The following NQO1 variants were observed in gnomAD, a reference collection of about 807,000 sequenced individuals.
NQO1 encodes NAD(P)H dehydrogenase [quinone] 1.
NQO1 carries 30 observed loss-of-function variants against 32.1 expected under a neutral mutation model. The ratio of observed to expected loss-of-function variants is 0.94; its 90% CI spans 0.70 to 1.27. The LOEUF (loss-of-function observed/expected upper bound fraction) is 1.27. Among genes scored for constraint, NQO1 ranks in the 50% most tolerant of loss-of-function variants. The pLI is 0.00. For missense variants in NQO1, 276 were observed against 331.3 expected, an observed-to-expected ratio of 0.83 and a Z score of 1.30; for synonymous variants, 109 against 119.7, an observed-to-expected ratio of 0.91 and a Z score of 0.59.
At position 69,709,998 on chromosome 16, in the gene NQO1, C is replaced by T. The variant is rs1241285746; in HGVS notation, c.*978G>A. ...TTCTTGAATTCATATTGCAGATGTA[C>T]GGTGTGGATTTATTGGTTTATCTCT... On this transcript the variant is annotated 3_prime_UTR_variant, in exon 6 of 6. Coordinates refer to ENST00000320623, the MANE Select transcript of NQO1 (RefSeq NM_000903.3). 7.8e-6 allele frequency: 3 copies of T among 384,572 alleles called. No individual in the cohort carries two copies. The highest frequency in any genetic ancestry group is 1.4e-5 in the Non-Finnish European group (3 of 217,876). The allele number at this position is 384,572 out of a possible 1,614,324, so 23.8% of individuals were successfully genotyped here.
chr16:69,711,160 T>C lies in NQO1; in HGVS notation c.641A>G (p.Asn214Ser), dbSNP rs1210866767. The C allele has an allele frequency of 1.9e-6, 3 of 1,614,230 alleles. No individual in the cohort carries two copies. The highest frequency in any genetic ancestry group is 1.7e-5 in the Admixed American group (1 of 60,014). The change falls in exon 6 of 6, where the codon AAT becomes AGT. Residue 214 changes from asparagine to serine, a missense_variant. Coordinates refer to ENST00000320623, the MANE Select transcript of NQO1 (RefSeq NM_000903.3). ...ATACAGTGGTGTCTCATCCCAAATA[T>C]TCTCCAGGCGTTTCTTCCATCCTTC... is the stretch of plus-strand genomic sequence containing the variant. ...ILEGWKKRLENIWDETPLYFA... is the reference protein window; with the variant it reads ...ILEGWKKRLESIWDETPLYFA...
intron 4 of NQO1, among the ~76,000 whole-genome samples, chr16:69,713,471 TA>T (rs1366104513): frequency 6.6e-6 from 1 of 152,186 alleles, no homozygotes; most frequent in Non-Finnish European, 1.5e-5. Flanking sequence ...AGGCATGGCG[TA>T]GGACAAGCTC....
chr16:69,719,034 C>CAAAA (rs11423997), intron 1 of NQO1, among the ~76,000 whole-genome samples: 3 of 144,204 alleles, frequency 2.1e-5, no homozygotes, highest in Admixed American at 6.9e-5. Context: ...GACTCCGTCT[C>CAAAA]AAAAAAAAAA....
At chr16:69,718,628 G>C in intron 1 of NQO1, 94 bp from the exon 2 acceptor site, 2 of 1,313,854 alleles carry the variant, frequency 1.5e-6, no homozygotes, top group South Asian at 1.4e-5. Context: ...AGGAGGGGGC[G>C]GCTTTGTTTG....
chr16:69,718,284 A>G, intron 2 of NQO1, 31 bp from the exon 3 acceptor site: 1 of 1,613,690 alleles, frequency 6.2e-7, no homozygotes, highest in South Asian at 1.1e-5. Context: ...GGCTGGGGCC[A>G]GAGGGGCCAA....
chr16:69,712,985 T>A, intron 5 of NQO1, 43 bp downstream of exon 5: 1 of 1,461,940 alleles, frequency 6.8e-7, no homozygotes, highest in Non-Finnish European at 9.6e-7. Context: ...AGAGTGAGAC[T>A]CCGTCTCAAA....
Position 69,718,552 on chromosome 16 carries a change from A to G in NQO1, c.8-18T>C. The G allele has an allele frequency of 6.2e-7, 1 of 1,611,966 alleles. No homozygotes were observed. Among genetic ancestry groups the G allele is most frequent in the Non-Finnish European group, 8.5e-7 (1 of 1,179,252 alleles). ...TCTTCTGCCTACAGAGACACACACAAAGCACACACGGAAAACCCATTACCA... is the reference window on the plus strand; with the variant it reads ...TCTTCTGCCTACAGAGACACACACAGAGCACACACGGAAAACCCATTACCA... On this transcript the variant is annotated intron_variant, in intron 1 of 5. Coordinates refer to ENST00000320623, the MANE Select transcript of NQO1 (RefSeq NM_000903.3).
At chr16:69,712,825 C>T (rs2038058464) in intron 5 of NQO1, among the ~76,000 whole-genome samples, 1 of 151,976 alleles carries the variant, frequency 6.6e-6, no homozygotes, top group South Asian at 2.1e-4. Flanking sequence ...GCTAACATGG[C>T]AAGACCCCGT....
intron 5 of NQO1, among the ~76,000 whole-genome samples, chr16:69,712,131 A>G (rs2038049426): frequency 2.0e-5 from 3 of 152,118 alleles, no homozygotes; most frequent in Admixed American, 1.3e-4. Context: ...CCTGTATCCC[A>G]GGCTGGCATG....
rs769655604 is a variant in NQO1 at position 69,715,065 on chromosome 16, A to G, written c.316T>C (p.Trp106Arg). 1.2e-5 allele frequency: 19 copies of G among 1,612,868 alleles called. No homozygotes were observed. Among genetic ancestry groups the G allele is most frequent in the Non-Finnish European group, 1.6e-5 (19 of 1,179,142 alleles). The change falls in exon 4 of 6, where the codon TGG becomes CGG. Residue 106 changes from tryptophan to arginine, a missense_variant. Physicochemically the swap from Trp to Arg is moderately radical, Grantham distance 101. Transcript: ENST00000320623. ...DLVIFQFPLQ[W>R]FGVPAILKGW... is the part of the protein sequence containing the mutation. Reference sequence around the variant, plus strand: ...TTCAGAATGGCAGGGACTCCAAACCACTGCAGGGGGAACTGTGGGACAGAA... The same window carrying G: ...TTCAGAATGGCAGGGACTCCAAACCGCTGCAGGGGGAACTGTGGGACAGAA...
intron 1 of NQO1, among the ~76,000 whole-genome samples, chr16:69,722,133 G>C (rs1457215269): frequency 6.8e-6 from 1 of 146,904 alleles, no homozygotes; most frequent in African/African-American, 2.5e-5. Context: ...GTGGAGCTGG[G>C]AGAGAAGGCA....
In NQO1 at chr16:69,709,413, G is replaced by T. The variant is rs1451531056; in HGVS notation, c.*1563C>A. The T allele has an allele frequency of 5.7e-6, 1 of 175,380 alleles. No individual in the cohort carries two copies. Among genetic ancestry groups the T allele is most frequent in the Admixed American group, 6.3e-5 (1 of 15,958 alleles). The allele number at this position is 175,380 out of a possible 1,614,324, so 10.9% of individuals were successfully genotyped here. On this transcript the variant is annotated 3_prime_UTR_variant, in exon 6 of 6. Coordinates refer to ENST00000320623, the MANE Select transcript of NQO1 (RefSeq NM_000903.3). ...TGATACCAATGAGTGTGGGTCTGTAGAAATGAATTTTATTTATTTAATTCA... is the reference window on the plus strand; with the variant it reads ...TGATACCAATGAGTGTGGGTCTGTATAAATGAATTTTATTTATTTAATTCA...
rs4149350 is a variant in NQO1 at position 69,726,353 on chromosome 16, G to A, written c.7+80C>T. 69 of 1,577,202 alleles carry A rather than the reference G, an allele frequency of 4.4e-5. No individual in the cohort carries two copies. The South Asian group carries it at 5.2e-4, about 12-fold the overall frequency. ...TTTGAGTCAAGGAACAAAATTCAGG[G>A]CCAAGCCCCTACAACCTCCTCCACA... On this transcript the variant is annotated intron_variant, in intron 1 of 5. Coordinates refer to ENST00000320623, the MANE Select transcript of NQO1 (RefSeq NM_000903.3).
chr16:69,715,354 G>C (rs959082872), intron 3 of NQO1, among the ~76,000 whole-genome samples: 1 of 152,228 alleles, frequency 6.6e-6, no homozygotes, highest in Non-Finnish European at 1.5e-5. Flanking sequence ...AAACTTGTTT[G>C]TATGAAATCA....
chr16:69,718,799 C>T (rs1442150896), intron 1 of NQO1, among the ~76,000 whole-genome samples: 1 of 152,096 alleles, frequency 6.6e-6, no homozygotes, highest in African/African-American at 2.4e-5. Context: ...CTTTGGGAGG[C>T]CAAGGTGGGC....
chr16:69,714,674 G>A (rs1476136473), intron 4 of NQO1, among the ~76,000 whole-genome samples: 2 of 150,422 alleles, frequency 1.3e-5, no homozygotes, highest in Admixed American at 6.6e-5. Context: ...GAGGTCAGGA[G>A]TTCAAGACCA....
At chr16:69,712,893 T>C (rs1390832128) in intron 5 of NQO1, 135 bp downstream of exon 5, 9 of 703,050 alleles carry the variant, frequency 1.3e-5, no homozygotes, top group Admixed American at 2.6e-5. Flanking sequence ...GTCAGTAGGC[T>C]GAGGCAGGAG....
In NQO1 at chr16:69,722,129, C is replaced by A. The variant is rs1294272161; in HGVS notation, c.8-3595G>T. Among the ~76,000 whole-genome samples the A allele has an allele frequency of 4.6e-5, 6 of 129,802 alleles. No individual in the cohort carries two copies. In the East Asian group the frequency reaches 1.4e-3, roughly 29 times the overall value. The allele number at this position is 129,802 out of a possible 152,430, so 85.2% of individuals were successfully genotyped here. A position where few individuals can be genotyped will look rare whatever the true frequency, so the allele number is the denominator to read the frequency against. ...ACCCTACCATGAACAGTGGGTGGAG[C>A]TGGGAGAGAAGGCATCTGCAACTTT... is the stretch of plus-strand genomic sequence containing the variant. On this transcript the variant is annotated intron_variant, in intron 1 of 5. Transcript: ENST00000320623.
At chr16:69,724,496 A>AT (rs879497693) in intron 1 of NQO1, among the ~76,000 whole-genome samples, 304 of 145,286 alleles carry the variant, frequency 2.1e-3, no homozygotes, top group South Asian at 2.6e-3. Context: ...CCCAGCCAAA[A>AT]TTTTTTTTTT....
Sources: allele counts gnomAD v4.1 joint callset (sites outside exome capture counted in the v4.1 genomes callset), GRCh38; gene constraint gnomAD v4.1.1; transcripts MANE v1.5; gene names NCBI Gene and HGNC (gene_info 2026-07-23, HGNC 2026-07-21).